The following EIF2AK3 variants were observed in gnomAD, a reference collection of about 807,000 sequenced individuals.
EIF2AK3 encodes eukaryotic translation initiation factor 2-alpha kinase 3.
Under a neutral mutation model 113.5 loss-of-function variants are expected in EIF2AK3, and 50 were observed. The observed-to-expected ratio is 0.44, with a 90% CI of 0.35 to 0.56. EIF2AK3 has a LOEUF of 0.56. EIF2AK3 is among the 20% of genes least tolerant of loss of function. The probability of loss-of-function intolerance (pLI) is 0.00; values close to 1 mark genes in which losing one functional copy is unlikely to be tolerated. For missense variants in EIF2AK3, 1,185 were observed against 1,378.0 expected (o/e 0.86, Z 2.22); for synonymous variants, 448 against 495.4 (o/e 0.90, Z 1.27).
chr2:88,581,406 T>G (rs995517551), intron 10 of EIF2AK3, among the ~76,000 whole-genome samples: 3 of 152,178 alleles, frequency 2.0e-5, no homozygotes, highest in Admixed American at 2.0e-4. Context: ...TCTCACAATT[T>G]AAAATTCAGT....
chr2:88,614,219 G>A (rs749685100), intron 1 of EIF2AK3, among the ~76,000 whole-genome samples: 2 of 152,004 alleles, frequency 1.3e-5, no homozygotes, highest in African/African-American at 2.4e-5. Flanking sequence ...CATAGAAACC[G>A]GGCTTTCCCT....
intron 14 of EIF2AK3, among the ~76,000 whole-genome samples, chr2:88,562,929 T>G (rs1420000890): frequency 6.6e-6 from 1 of 152,208 alleles, no homozygotes; most frequent in African/African-American, 2.4e-5. Context: ...GATTATCAAG[T>G]CCTGGAGGAA....
chr2:88,557,362 G>C lies in EIF2AK3; in HGVS notation c.*374C>G, dbSNP rs1673805894. 1 of 234,760 alleles carries C rather than the reference G, an allele frequency of 4.3e-6. No homozygotes were observed. Among genetic ancestry groups the C allele is most frequent in the Non-Finnish European group, 8.5e-6 (1 of 117,346 alleles). 14.5% of individuals were successfully genotyped at this position (234,760 alleles called of 1,614,324 possible). Reference sequence around the variant, plus strand: ...GAAAGCATATTTCTAGAACAATACAGTTACCACACAGGGGGACTTTCCTTC... The same window carrying C: ...GAAAGCATATTTCTAGAACAATACACTTACCACACAGGGGGACTTTCCTTC... On this transcript the variant is annotated 3_prime_UTR_variant, in exon 17 of 17. Transcript: ENST00000303236.
At chr2:88,603,710 C>T (rs1450650200) in intron 2 of EIF2AK3, among the ~76,000 whole-genome samples, 13 of 152,166 alleles carry the variant, frequency 8.5e-5, no homozygotes, top group Admixed American at 8.5e-4. Flanking sequence ...GACTTCAAAG[C>T]TTTGGTCATA....
intron 9 of EIF2AK3, 138 bp from the exon 10 acceptor site, chr2:88,583,680 T>C: frequency 1.5e-6 from 1 of 679,586 alleles, no homozygotes; most frequent in South Asian, 1.7e-5. Context: ...GAAAACAAAG[T>C]GCAGCATTTT....
At chr2:88,558,877 G>C in intron 16 of EIF2AK3, 40 bp downstream of exon 16, 3 of 1,494,396 alleles carry the variant, frequency 2.0e-6, no homozygotes, top group Non-Finnish European at 2.8e-6. Context: ...ACGTTCTAAA[G>C]ATGATTCTAA....
intron 6 of EIF2AK3, 69 bp from the exon 7 acceptor site, chr2:88,588,970 T>C (rs1452477962): frequency 3.9e-6 from 6 of 1,532,492 alleles, no homozygotes; most frequent in Non-Finnish European, 5.4e-6. Flanking sequence ...TTAAATAAAA[T>C]TACATTAATT....
At chr2:88,610,135 A>G (rs1337036507) in intron 2 of EIF2AK3, among the ~76,000 whole-genome samples, 1 of 152,194 alleles carries the variant, frequency 6.6e-6, no homozygotes, top group East Asian at 1.9e-4. Flanking sequence ...AAGACAAAAA[A>G]CAAAACAAAA....
At chr2:88,572,389 C>T (rs943627975) in intron 13 of EIF2AK3, among the ~76,000 whole-genome samples, 11 of 152,218 alleles carry the variant, frequency 7.2e-5, no homozygotes, top group Non-Finnish European at 1.5e-4. Flanking sequence ...CAAAACCCCA[C>T]GGTTAGTGTG....
At position 88,575,382 on chromosome 2, in the gene EIF2AK3, C is replaced by A; in HGVS notation, c.2101G>T (p.Asp701Tyr). Residue 701 changes from aspartate (D) to tyrosine (Y), a missense_variant, in exon 13 of 17, where the codon GAT (aspartate) becomes TAT (tyrosine). This residue lies in a region of EIF2AK3 where 877 missense variants were observed against 1,024.2 expected (regional missense o/e 0.86). Coordinates refer to ENST00000303236, the MANE Select transcript of EIF2AK3 (RefSeq NM_004836.7). ...DAPSVKIRRM[D>Y]PFATKEHIEI... Reference sequence around the variant, plus strand: ...ATATGTTCTTTTGTAGCGAAAGGATCCATTCTGCGTATTTTAACTGATGGT... The same window carrying A: ...ATATGTTCTTTTGTAGCGAAAGGATACATTCTGCGTATTTTAACTGATGGT... 3 of 1,613,732 alleles carry A rather than the reference C, an allele frequency of 1.9e-6. No homozygotes were observed. Among genetic ancestry groups the A allele is most frequent in the Non-Finnish European group, 2.5e-6 (3 of 1,180,018 alleles).
chr2:88,608,202 G>C (rs369566569), intron 2 of EIF2AK3, among the ~76,000 whole-genome samples: 40 of 152,304 alleles, frequency 2.6e-4, no homozygotes, highest in African/African-American at 9.1e-4. Flanking sequence ...GATAGTTGCA[G>C]AGAATACATC....
Position 88,578,304 on chromosome 2 carries a change from T to C in EIF2AK3, c.1886+1214A>G, listed in dbSNP as rs556360208. 1.5e-3 allele frequency among the ~76,000 whole-genome samples: 235 copies of C among 152,172 alleles called. 1 individual carries two copies. Among genetic ancestry groups the C allele is most frequent in the Non-Finnish European group, 1.5e-3 (105 of 67,984 alleles). On this transcript the variant is annotated intron_variant, in intron 11 of 16. Coordinates refer to ENST00000303236, the MANE Select transcript of EIF2AK3 (RefSeq NM_004836.7). ...GGCTCATGCCTGCAATCCCAGCACTTCGGGAGGGCAAGACGGGTGGATCAT... is the reference window on the plus strand; with the variant it reads ...GGCTCATGCCTGCAATCCCAGCACTCCGGGAGGGCAAGACGGGTGGATCAT...
chr2:88,595,140 A>G (rs570973148), intron 3 of EIF2AK3, among the ~76,000 whole-genome samples: 1 of 124,262 alleles, frequency 8.0e-6, no homozygotes, highest in Non-Finnish European at 1.6e-5. Flanking sequence ...GGGGGTGTGG[A>G]ATGGGGTGGG....
intron 6 of EIF2AK3, among the ~76,000 whole-genome samples, chr2:88,589,325 TGCTTTTC>T (rs934689694): frequency 2.0e-5 from 3 of 152,202 alleles, no homozygotes; most frequent in Non-Finnish European, 4.4e-5. Flanking sequence ...TTCAAATTCT[TGCTTTTC>T]ATTCAAACCA....
upstream of EIF2AK3, chr2:88,627,961 C>G (rs1424059102): frequency 6.6e-6 from 1 of 152,338 alleles, no homozygotes; most frequent in South Asian, 2.0e-4. Context: ...CTTAAAGGAG[C>G]TGGTATTGTA....
chr2:88,592,370 TAATTA>T (rs1238092280), intron 4 of EIF2AK3, among the ~76,000 whole-genome samples: 1 of 151,768 alleles, frequency 6.6e-6, no homozygotes, highest in Non-Finnish European at 1.5e-5. Context: ...CTACTAGACA[TAATTA>T]GAGAGTCAAA....
intron 2 of EIF2AK3, among the ~76,000 whole-genome samples, chr2:88,603,114 C>T (rs2104454924): frequency 6.6e-6 from 1 of 152,282 alleles, no homozygotes; most frequent in Non-Finnish European, 1.5e-5. Flanking sequence ...ACATCCAAAA[C>T]ATAAAATCAA....
chr2:88,610,511 A>G (rs1165836174), intron 2 of EIF2AK3, among the ~76,000 whole-genome samples: 1 of 152,216 alleles, frequency 6.6e-6, no homozygotes, highest in African/African-American at 2.4e-5. Context: ...CCCTTTTCCA[A>G]CTACATTTGT....
At chr2:88,594,740 T>C (rs1182621908) in intron 3 of EIF2AK3, among the ~76,000 whole-genome samples, 1 of 150,028 alleles carries the variant, frequency 6.7e-6, no homozygotes, top group Non-Finnish European at 1.5e-5. Flanking sequence ...CACCTTATTA[T>C]AGGATCAAAC....
Sources: allele counts gnomAD v4.1 joint callset (sites outside exome capture counted in the v4.1 genomes callset), GRCh38; gene constraint gnomAD v4.1.1; regional missense constraint gnomAD v4.1.1; transcripts MANE v1.5; gene names NCBI Gene and HGNC (gene_info 2026-07-23, HGNC 2026-07-21).